RETSAT: variants seen among roughly 807,000 people sequenced by gnomAD.
The protein encoded by RETSAT is retinol saturase.
RETSAT carries 35 observed loss-of-function variants against 61.6 expected under a neutral mutation model. That is an observed-to-expected ratio of 0.57 (90% CI 0.43 to 0.75). The LOEUF is 0.75. RETSAT is among the 30% of genes least tolerant of loss of function. RETSAT has a pLI of 0.00. For synonymous variants in RETSAT, 277 were observed against 310.4 expected (o/e 0.89, Z 1.13); for missense variants, 670 against 759.5 (o/e 0.88, Z 1.38).
intron 5 of RETSAT, among the ~76,000 whole-genome samples, chr2:85,348,255 T>C (rs745432602): frequency 2.0e-5 from 3 of 152,136 alleles, no homozygotes; most frequent in Admixed American, 1.3e-4. Flanking sequence ...ATTCATTCTA[T>C]TGGCCACTGA....
intron 5 of RETSAT, among the ~76,000 whole-genome samples, 154 bp from the exon 6 acceptor site, chr2:85,346,248 A>G (rs1482972724): frequency 2.6e-5 from 4 of 152,196 alleles, no homozygotes; most frequent in Admixed American, 2.0e-4. Flanking sequence ...GGGAAAATGC[A>G]CAGTGAGTGA....
Position 85,343,702 on chromosome 2 carries a change from G to C in RETSAT, c.1630C>G (p.Leu544Val). 1 of 1,614,192 alleles carries C rather than the reference G, an allele frequency of 6.2e-7. No homozygotes were observed. Among genetic ancestry groups the C allele is most frequent in the Non-Finnish European group, 8.5e-7 (1 of 1,179,976 alleles). ...AAGGAGGCCATCACACAAGGGTGCAGGCGGCCCAGGTCATGGTCAGCCCCG... is the reference window on the plus strand; with the variant it reads ...AAGGAGGCCATCACACAAGGGTGCACGCGGCCCAGGTCATGGTCAGCCCCG... ...CYGADHDLGR[L>V]HPCVMASLRA... is the part of the protein sequence containing the mutation. Residue 544 changes from leucine (L) to valine (V), a missense_variant, in exon 10 of 11, where the codon CTG (leucine) becomes GTG (valine). Coordinates refer to ENST00000295802, the MANE Select transcript of RETSAT (RefSeq NM_017750.4).
Position 85,342,120 on chromosome 2 carries a change from T to G in RETSAT, c.*1122A>C, listed in dbSNP as rs772915405. ...TGTTAAAGCAATGGAATCAATAAAT[T>G]TATTAATGTTACATTAACACGAACT... On this transcript the variant is annotated 3_prime_UTR_variant, in exon 11 of 11. Coordinates refer to ENST00000295802, the MANE Select transcript of RETSAT (RefSeq NM_017750.4). The G allele has an allele frequency of 1.6e-5, 5 of 308,700 alleles. No homozygotes were observed. Among genetic ancestry groups the G allele is most frequent in the Non-Finnish European group, 3.0e-5 (5 of 167,468 alleles). 19.1% of individuals were successfully genotyped at this position (308,700 alleles called of 1,614,324 possible). A position where few individuals can be genotyped will look rare whatever the true frequency, so the allele number is the denominator to read the frequency against.
At chr2:85,350,413 C>T (rs1410943166) in intron 3 of RETSAT, among the ~76,000 whole-genome samples, 172 bp from the exon 4 acceptor site, 3 of 152,200 alleles carry the variant, frequency 2.0e-5, no homozygotes, top group Non-Finnish European at 2.9e-5. Context: ...TCCCATCCTA[C>T]ACTCGGATGA....
intron 7 of RETSAT, 43 bp downstream of exon 7, chr2:85,344,551 G>T (rs746443414): frequency 6.2e-7 from 1 of 1,605,432 alleles, no homozygotes; most frequent in East Asian, 2.2e-5. Flanking sequence ...GAGTCAAGCA[G>T]GGAGGCACGG....
At position 85,344,752 on chromosome 2, in the gene RETSAT, G is replaced by A. The variant is rs1683161044; in HGVS notation, c.1118-20C>T. Reference sequence around the variant, plus strand: ...TCACACCTGCCAGGGGGAGTGGTTGGTGCCTGTGTGGACCATGGCCGGAGA... The same window carrying A: ...TCACACCTGCCAGGGGGAGTGGTTGATGCCTGTGTGGACCATGGCCGGAGA... On this transcript the variant is annotated intron_variant, in intron 6 of 10. Transcript: ENST00000295802. 6.2e-7 allele frequency: 1 copy of A among 1,612,828 alleles called. No homozygotes were observed. Among genetic ancestry groups the A allele is most frequent in the South Asian group, 1.1e-5 (1 of 90,942 alleles).
At chr2:85,350,353 A>T (rs1683277888) in intron 3 of RETSAT, 112 bp from the exon 4 acceptor site, 1 of 764,074 alleles carries the variant, frequency 1.3e-6, no homozygotes, top group Non-Finnish European at 2.2e-6. Flanking sequence ...CCCCTGACTG[A>T]ACTTTGCTGA....
At chr2:85,353,953 G>A (rs553844736) in intron 1 of RETSAT, among the ~76,000 whole-genome samples, 2 of 152,270 alleles carry the variant, frequency 1.3e-5, no homozygotes, top group South Asian at 4.1e-4. Flanking sequence ...TTTCTGTGCT[G>A]CTCCCCCACA....
At position 85,344,806 on chromosome 2, in the gene RETSAT, T is replaced by C. The variant is rs563704496; in HGVS notation, c.1118-74A>G. ...CCACTCCTTGCTCCCAGGAGAGCCT[T>C]GGGGTGCCAGCTCTGGCACCTGCCT... On this transcript the variant is annotated intron_variant, in intron 6 of 10. Transcript: ENST00000295802. The C allele has an allele frequency of 3.9e-6, 6 of 1,540,756 alleles. No homozygotes were observed. The African/African-American group carries it at 8.2e-5, about 21-fold the overall frequency.
intron 5 of RETSAT, among the ~76,000 whole-genome samples, chr2:85,348,406 G>A (rs1033440112): frequency 2.6e-4 from 39 of 152,006 alleles, no homozygotes; most frequent in Admixed American, 3.3e-4. Flanking sequence ...CAAGGTGGGC[G>A]GATCACAAGA....
Position 85,344,739 on chromosome 2 carries a change from G to C in RETSAT, c.1118-7C>G. 1 of 1,613,786 alleles carries C rather than the reference G, an allele frequency of 6.2e-7. No individual in the cohort carries two copies. The highest frequency in any genetic ancestry group is 1.3e-5 in the African/African-American group (1 of 75,076). On this transcript the variant is annotated splice_region_variant and splice_polypyrimidine_tract_variant and intron_variant, in intron 6 of 10. Transcript: ENST00000295802. ...CCCAGTTGCTGCTTCACACCTGCCA[G>C]GGGGAGTGGTTGGTGCCTGTGTGGA... is the stretch of plus-strand genomic sequence containing the variant.
At chr2:85,345,322 C>A (rs1683175783) in intron 6 of RETSAT, among the ~76,000 whole-genome samples, 1 of 152,344 alleles carries the variant, frequency 6.6e-6, no homozygotes, top group South Asian at 2.1e-4. Flanking sequence ...ACCCCCCAGC[C>A]CGCTCTGCTG....
chr2:85,341,978 AT>A lies in RETSAT; in HGVS notation c.*1263del, dbSNP rs1365737549. Reference sequence around the variant, plus strand: ...TGTAACTTTATAATTACTTAATTTTATTTTTTTAAAGCTTATTTTGGTGTTA... The same window carrying A: ...TGTAACTTTATAATTACTTAATTTTATTTTTTAAAGCTTATTTTGGTGTTA... On this transcript the variant is annotated 3_prime_UTR_variant, in exon 11 of 11. Coordinates refer to ENST00000295802, the MANE Select transcript of RETSAT (RefSeq NM_017750.4). The A allele has an allele frequency of 4.5e-4, 274 of 602,722 alleles. 1 individual carries two copies. The East Asian group carries it at 6.9e-3, about 15-fold the overall frequency. The allele number at this position is 602,722 out of a possible 1,614,324, so 37.3% of individuals were successfully genotyped here.
chr2:85,343,987 T>C lies in RETSAT; in HGVS notation c.1533+12A>G. ...TGAGGTTCGTCACCACCCCAAATAC[T>C]TTACCCCCTACCTTCCCCTCCAGCT... is the stretch of plus-strand genomic sequence containing the variant. On this transcript the variant is annotated intron_variant, in intron 9 of 10. Transcript: ENST00000295802. The C allele has an allele frequency of 6.2e-7, 1 of 1,613,550 alleles. No homozygotes were observed. The highest frequency in any genetic ancestry group is 8.5e-7 in the Non-Finnish European group (1 of 1,179,736).
At position 85,349,963 on chromosome 2, in the gene RETSAT, C is replaced by T. The variant is rs748020793; in HGVS notation, c.799+77G>A. On this transcript the variant is annotated intron_variant, in intron 4 of 10. Transcript: ENST00000295802. ...TCCATATCAGTCAGCCAGGCAGGGT[C>T]GAGAAGAAAGATTGAGAGATGAGAG... The T allele has an allele frequency of 3.9e-4, 557 of 1,417,590 alleles. 2 individuals carry two copies. The highest frequency in any genetic ancestry group is 2.0e-3 in the Middle Eastern group (8 of 4,064). The allele number at this position is 1,417,590 out of a possible 1,614,324, so 87.8% of individuals were successfully genotyped here.
rs373469637 is a variant in RETSAT at position 85,344,104 on chromosome 2, C to T, written c.1428G>A (p.Ala476=). 1.5e-5 allele frequency: 24 copies of T among 1,613,992 alleles called. No homozygotes were observed. The highest frequency in any genetic ancestry group is 1.6e-4 in the Middle Eastern group (1 of 6,084). ...TAYEWFEEWQ[A]ELKGKRGSDY... Reference sequence around the variant, plus strand: ...CACTGCCCCGCTTTCCCTTCAGCTCCGCCTGCCACTCCTCAAACCACTCGT... The same window carrying T: ...CACTGCCCCGCTTTCCCTTCAGCTCTGCCTGCCACTCCTCAAACCACTCGT... The change falls in exon 9 of 11, where the codon GCG becomes GCA. Residue 476 remains alanine, a synonymous_variant. Transcript: ENST00000295802.
At chr2:85,352,546 C>T (rs1190321447) in intron 1 of RETSAT, among the ~76,000 whole-genome samples, 4 of 151,884 alleles carry the variant, frequency 2.6e-5, no homozygotes, top group Admixed American at 6.6e-5. Flanking sequence ...CACCGCGCCC[C>T]GCCTATTTTA....
At chr2:85,349,891 C>T (rs1473239135) in intron 4 of RETSAT, 149 bp downstream of exon 4, 12 of 735,688 alleles carry the variant, frequency 1.6e-5, no homozygotes, top group Non-Finnish European at 2.7e-5. Context: ...CAGCAGGTGG[C>T]CAGACTTCTC....
At chr2:85,345,931 C>A in intron 6 of RETSAT, 44 bp downstream of exon 6, 1 of 1,613,758 alleles carries the variant, frequency 6.2e-7, no homozygotes, top group Non-Finnish European at 8.5e-7. Context: ...GAAGGGGACA[C>A]ATTGGGGAAC....
Sources: gnomAD v4.1 joint callset for allele counts (sites outside exome capture counted in the v4.1 genomes callset) on GRCh38, gnomAD v4.1.1 for gene constraint, MANE v1.5 for transcripts, NCBI Gene and HGNC (gene_info 2026-07-23, HGNC 2026-07-21) for gene names.